The following TRNT1 variants were observed in gnomAD, a reference collection of about 807,000 sequenced individuals.
The protein encoded by TRNT1 is tRNA nucleotidyl transferase 1.
In TRNT1, 44 loss-of-function variants were observed where a neutral mutation model predicts 45.6. The ratio of observed to expected loss-of-function variants is 0.97; its 90% confidence interval spans 0.76 to 1.24. The LOEUF is 1.24. Among genes scored for constraint, TRNT1 ranks in the 50% most tolerant of loss-of-function variants. The pLI, the probability that TRNT1 is intolerant of heterozygous loss-of-function variation, is 0.00. For missense variants in TRNT1, 633 were observed against 504.4 expected, an observed-to-expected ratio of 1.25 and a Z score of -2.44; for synonymous variants, 201 against 171.4, an observed-to-expected ratio of 1.17 and a Z score of -1.35.
In TRNT1 at chr3:3,144,682, G is replaced by T; in HGVS notation, c.580G>T (p.Asp194Tyr). The change falls in exon 5 of 8, where the codon GAT becomes TAT. Residue 194 changes from aspartate to tyrosine, a missense_variant. Asp to Tyr is a radical substitution (Grantham distance 160, BLOSUM62 -3). Transcript: ENST00000251607. ...VGHAKQRIQE[D>Y]YLRILRYFRF... Reference sequence around the variant, plus strand: ...ACATGCTAAACAGAGAATACAAGAGGATTATCTTAGAATTTTAAGATACTT... The same window carrying T: ...ACATGCTAAACAGAGAATACAAGAGTATTATCTTAGAATTTTAAGATACTT... The T allele has an allele frequency of 3.2e-6, 5 of 1,544,276 alleles. No individual in the cohort carries two copies. Among genetic ancestry groups the T allele is most frequent in the Non-Finnish European group, 4.4e-6 (5 of 1,139,698 alleles).
chr3:3,129,137 C>T lies in TRNT1; in HGVS notation c.97C>T (p.Gln33Ter). 2 of 1,614,070 alleles carry T rather than the reference C, an allele frequency of 1.2e-6. No individual in the cohort carries two copies. The highest frequency in any genetic ancestry group is 1.7e-6 in the Non-Finnish European group (2 of 1,179,932). Reference sequence around the variant, plus strand: ...GCAGTATCTATTCACAATGAAGTTGCAGTCTCCCGAATTCCAGTCACTTTT... The same window carrying T: ...GCAGTATCTATTCACAATGAAGTTGTAGTCTCCCGAATTCCAGTCACTTTT... ...PKQYLFTMKLQSPEFQSLFTE... is the reference protein window; with the variant it reads ...PKQYLFTMKL Residue 33 changes from glutamine (Q) to a stop codon, truncating the protein, a stop_gained, in exon 2 of 8, where the codon CAG becomes TAG. Transcript: ENST00000251607. LOFTEE classifies it high-confidence loss of function.
At chr3:3,140,379 C>G (rs895093300) in intron 3 of TRNT1, 131 bp from the exon 4 acceptor site, 23 of 743,584 alleles carry the variant, frequency 3.1e-5, no homozygotes, top group Middle Eastern at 7.0e-4. Flanking sequence ...TGGTAGTTGA[C>G]GTTAAAAAGA....
At position 3,136,804 on chromosome 3, in the gene TRNT1, G is replaced by A. The variant is rs185027908; in HGVS notation, c.149-456G>A. The A allele has an allele frequency of 7.6e-5, 26 of 342,014 alleles. 1 individual carries two copies. The highest frequency in any genetic ancestry group is 2.2e-4 in the African/African-American group (10 of 45,618). The allele number at this position is 342,014 out of a possible 1,614,324, so 21.2% of individuals were successfully genotyped here. On this transcript the variant is annotated intron_variant, in intron 2 of 7. Transcript: ENST00000251607. ...CAAGTAGCTGGGACTACAGGTGTGC[G>A]CCACTGAACCTGGCTATTTTTATTT...
At chr3:3,149,468 A>G (rs1348572809), downstream of TRNT1, 1 of 152,100 alleles carries the variant, frequency 6.6e-6, no homozygotes, top group African/African-American at 2.4e-5. Flanking sequence ...AGTAAACGGT[A>G]TGGGACATAC....
chr3:3,146,674 T>C (rs948986497), intron 6 of TRNT1, 51 bp downstream of exon 6: 3 of 1,444,722 alleles, frequency 2.1e-6, no homozygotes, highest in Non-Finnish European at 2.8e-6. Context: ...AATATCTGGT[T>C]TCAAATTTCA....
intron 2 of TRNT1, among the ~76,000 whole-genome samples, chr3:3,129,758 G>A (rs893318186): frequency 1.3e-5 from 2 of 152,198 alleles, no homozygotes; most frequent in Admixed American, 6.5e-5. Flanking sequence ...TAATGAGTAC[G>A]CACATTTTGA....
At chr3:3,146,245 C>G (rs563775110) in intron 5 of TRNT1, among the ~76,000 whole-genome samples, 185 bp from the exon 6 acceptor site, 1 of 151,968 alleles carries the variant, frequency 6.6e-6, no homozygotes, top group East Asian at 1.9e-4. Context: ...GTTTTCTTAT[C>G]TGGGAAAAGA....
chr3:3,128,891 G>GT (rs539743209), intron 1 of TRNT1, 123 bp from the exon 2 acceptor site: 512 of 775,252 alleles, frequency 6.6e-4, no homozygotes, highest in Admixed American at 1.9e-3. Context: ...ACCGTTTTCA[G>GT]TTTTTTCATC....
chr3:3,130,246 G>T (rs1443981150), intron 2 of TRNT1: 5 of 368,456 alleles, frequency 1.4e-5, no homozygotes, highest in African/African-American at 2.1e-5. Flanking sequence ...ACACATGCTC[G>T]GGTTCTACCT....
In TRNT1 at chr3:3,129,013, G is replaced by T. The variant is rs370491256; in HGVS notation, c.-27-1G>T. 308 of 1,572,076 alleles carry T rather than the reference G, an allele frequency of 2.0e-4. No homozygotes were observed. The highest frequency in any genetic ancestry group is 2.6e-4 in the Non-Finnish European group (295 of 1,155,096). On this transcript the variant is annotated splice_acceptor_variant, in intron 1 of 7. Coordinates refer to ENST00000251607, the MANE Select transcript of TRNT1 (RefSeq NM_182916.3). LOFTEE classifies it low-confidence loss of function (5UTR_SPLICE). The stretch of plus-strand genomic sequence containing the variant: ...GGTATGCCTGTGTATTTGCCTTGTA[G>T]ATGTGTAGTTGGTGACTGCCTCTCC...
At chr3:3,143,292 C>G (rs1413232243) in intron 4 of TRNT1, among the ~76,000 whole-genome samples, 1 of 152,150 alleles carries the variant, frequency 6.6e-6, no homozygotes, top group Admixed American at 6.5e-5. Context: ...ATGTCTCAGG[C>G]AAACCAGTAT....
At chr3:3,144,984 T>C (rs536779682) in intron 5 of TRNT1, 40 of 207,604 alleles carry the variant, frequency 1.9e-4, no homozygotes, top group African/African-American at 8.9e-4. Context: ...TTGATTGATA[T>C]TTCCTCCATT....
At chr3:3,142,463 G>T (rs1705714727) in intron 4 of TRNT1, among the ~76,000 whole-genome samples, 1 of 152,120 alleles carries the variant, frequency 6.6e-6, no homozygotes. Context: ...GACTCCAGAG[G>T]TCACATTCTT....
At chr3:3,129,661 C>T (rs1704877242) in intron 2 of TRNT1, among the ~76,000 whole-genome samples, 1 of 152,188 alleles carries the variant, frequency 6.6e-6, no homozygotes, top group Non-Finnish European at 1.5e-5. Context: ...CTGGAAAAGG[C>T]AAGAAGTTGA....
chr3:3,150,690 T>G, downstream of TRNT1: 1 of 623,470 alleles, frequency 1.6e-6, no homozygotes, highest in Non-Finnish European at 2.7e-6. Flanking sequence ...TCCTAAAGTA[T>G]ACTTAAAAGT....
At chr3:3,146,705 C>A in intron 6 of TRNT1, 82 bp downstream of exon 6, 1 of 1,268,804 alleles carries the variant, frequency 7.9e-7, no homozygotes, top group Non-Finnish European at 1.1e-6. Flanking sequence ...ATGTTTGACT[C>A]ATTTGGTTGA....
Position 3,148,068 on chromosome 3 carries a change from C to A in TRNT1, c.1219C>A (p.Leu407Ile), listed in dbSNP as rs1315353435. The A allele has an allele frequency of 6.2e-7, 1 of 1,613,764 alleles. No homozygotes were observed. Among genetic ancestry groups the A allele is most frequent in the African/African-American group, 1.3e-5 (1 of 74,886 alleles). The change falls in exon 8 of 8, where the codon CTA (leucine) becomes ATA (isoleucine). Residue 407 changes from leucine (L) to isoleucine (I), a missense_variant. Coordinates refer to ENST00000251607, the MANE Select transcript of TRNT1 (RefSeq NM_182916.3). ...TTCTTCAGGAAAAGAAATTGGGGCT[C>A]TATTACAACAGTTGCGAGAACAGTG... ...GISSGKEIGA[L>I]LQQLREQWKK... is the part of the protein sequence containing the mutation.
intron 7 of TRNT1, 83 bp from the exon 8 acceptor site, chr3:3,147,823 G>C (rs1706153842): frequency 4.1e-5 from 63 of 1,525,974 alleles, no homozygotes; most frequent in Non-Finnish European, 5.4e-5. Context: ...AAAAATTTAT[G>C]TTGAGTATTT....
chr3:3,129,229 T>C (rs1167556374), intron 2 of TRNT1, 41 bp downstream of exon 2: 4 of 1,555,552 alleles, frequency 2.6e-6, no homozygotes, highest in Non-Finnish European at 3.5e-6. Flanking sequence ...GAAACCTATA[T>C]AAATGGAGAA....
Sources: allele counts gnomAD v4.1 joint callset (sites outside exome capture counted in the v4.1 genomes callset), GRCh38; gene constraint gnomAD v4.1.1; transcripts MANE v1.5; gene names NCBI Gene and HGNC (gene_info 2026-07-23, HGNC 2026-07-21).